The following NEDD4L variants were observed in gnomAD, a reference collection of about 807,000 sequenced individuals.
NEDD4L encodes E3 ubiquitin-protein ligase NEDD4-like.
NEDD4L carries 54 observed loss-of-function variants against 148.9 expected under a neutral mutation model. The ratio of observed to expected loss-of-function variants is 0.36; its 90% confidence interval spans 0.29 to 0.45. The LOEUF is 0.45. NEDD4L is among the 20% of genes least tolerant of loss of function. The probability of loss-of-function intolerance (pLI) is 1.00; values close to 1 mark genes in which losing one functional copy is unlikely to be tolerated. For missense variants in NEDD4L, 856 were observed against 1,233.8 expected, an observed-to-expected ratio of 0.69 and a Z score of 4.59; for synonymous variants, 433 against 440.7, an observed-to-expected ratio of 0.98 and a Z score of 0.22.
At chr18:58,387,684 C>A in intron 27 of NEDD4L, 186 bp downstream of exon 27, 1 of 655,848 alleles carries the variant, frequency 1.5e-6, no homozygotes, top group Non-Finnish European at 2.3e-6. Context: ...TCTTATGGGG[C>A]TTGTTTGCCA....
At chr18:58,085,797 G>T (rs1199909221) in intron 1 of NEDD4L, among the ~76,000 whole-genome samples, 2 of 152,148 alleles carry the variant, frequency 1.3e-5, no homozygotes, top group Non-Finnish European at 2.9e-5. Flanking sequence ...ATTAAAAGGA[G>T]AATCTTTTAT....
intron 27 of NEDD4L, chr18:58,387,716 A>C (rs1359694904): frequency 2.1e-6 from 1 of 473,022 alleles, no homozygotes; most frequent in Non-Finnish European, 3.4e-6. Context: ...AGGAACAGCA[A>C]AAATAATCAG....
intron 5 of NEDD4L, among the ~76,000 whole-genome samples, chr18:58,263,839 T>G (rs1383131897): frequency 6.6e-6 from 1 of 152,164 alleles, no homozygotes. Context: ...AACCAAACAA[T>G]CCAGCACTTC....
In NEDD4L at chr18:58,370,263, T is replaced by A. The variant is rs567511053; in HGVS notation, c.2186-134T>A. 40 of 659,868 alleles carry A rather than the reference T, an allele frequency of 6.1e-5. No individual in the cohort carries two copies. The South Asian group carries it at 7.3e-4, about 12-fold the overall frequency. The allele number at this position is 659,868 out of a possible 1,614,324, so 40.9% of individuals were successfully genotyped here. On this transcript the variant is annotated intron_variant, in intron 22 of 30. Transcript: ENST00000400345. ...TGATCTCGCCTCCTCGCTTGTGCAATACTGTAGAAGGCCCTTGGTTACTCC... is the reference window on the plus strand; with the variant it reads ...TGATCTCGCCTCCTCGCTTGTGCAAAACTGTAGAAGGCCCTTGGTTACTCC...
intron 2 of NEDD4L, among the ~76,000 whole-genome samples, chr18:58,204,197 G>A (rs1306523301): frequency 6.6e-6 from 1 of 152,074 alleles, no homozygotes; most frequent in African/African-American, 2.4e-5. Context: ...ACGTGGTGGT[G>A]TGCACCTGTA....
At chr18:58,165,512 C>T (rs1211750454) in intron 1 of NEDD4L, 1 of 281,066 alleles carries the variant, frequency 3.6e-6, no homozygotes, top group African/African-American at 2.3e-5. Context: ...GAAAAGCTAA[C>T]TTTAAATGGC....
rs972029118 is a variant in NEDD4L, at chr18:58,197,182, C to T, written c.122+31321C>T. 7.9e-5 allele frequency among the ~76,000 whole-genome samples: 12 copies of T among 152,036 alleles called. No homozygotes were observed. In the South Asian group the frequency reaches 2.3e-3, roughly 29 times the overall value. ...GCCTTCCTTTTTGGGTGGGACTTGC[C>T]ATGATAGAGCCTGGGCCGTCACCTT... is the stretch of plus-strand genomic sequence containing the variant. On this transcript the variant is annotated intron_variant, in intron 2 of 30. Transcript: ENST00000400345.
At chr18:58,371,940 A>T (rs778088413) in intron 23 of NEDD4L, 7 of 152,206 alleles carry the variant, frequency 4.6e-5, no homozygotes, top group Non-Finnish European at 1.0e-4. Flanking sequence ...TCGTGTCCCC[A>T]GCAGGAGAGA....
intron 1 of NEDD4L, among the ~76,000 whole-genome samples, chr18:58,146,916 G>A (rs960320503): frequency 3.3e-5 from 5 of 152,188 alleles, no homozygotes; most frequent in African/African-American, 4.8e-5. Flanking sequence ...TGGTGCTGAG[G>A]GGATGTGCAG....
intron 1 of NEDD4L, among the ~76,000 whole-genome samples, chr18:58,064,844 T>G (rs2082518204): frequency 6.6e-6 from 1 of 152,176 alleles, no homozygotes; most frequent in Non-Finnish European, 1.5e-5. Context: ...TGATGACTCA[T>G]CCCTCTCATC....
intron 5 of NEDD4L, among the ~76,000 whole-genome samples, chr18:58,296,551 A>G (rs1021028507): frequency 6.6e-6 from 1 of 152,216 alleles, no homozygotes; most frequent in African/African-American, 2.4e-5. Context: ...GGGGGCTGCC[A>G]GCGGGCTCCA....
intron 5 of NEDD4L, among the ~76,000 whole-genome samples, chr18:58,295,016 C>T (rs1269148569): frequency 6.6e-6 from 1 of 152,072 alleles, no homozygotes; most frequent in African/African-American, 2.4e-5. Context: ...ACAGAAATTT[C>T]CCATGTATTT....
intron 5 of NEDD4L, among the ~76,000 whole-genome samples, chr18:58,265,462 A>C (rs938665050): frequency 1.1e-4 from 16 of 152,048 alleles, no homozygotes; most frequent in African/African-American, 3.4e-4. Flanking sequence ...TCTGCCATTT[A>C]ATGGTGGTAG....
chr18:58,296,201 A>G (rs534340183), intron 5 of NEDD4L, among the ~76,000 whole-genome samples: 2 of 152,300 alleles, frequency 1.3e-5, no homozygotes, highest in East Asian at 1.9e-4. Flanking sequence ...ACCTCAGGAC[A>G]CTATTAGTTA....
In NEDD4L at chr18:58,264,922, C is replaced by T. The variant is rs1006221032; in HGVS notation, c.297+12868C>T. 6.6e-5 allele frequency among the ~76,000 whole-genome samples: 10 copies of T among 152,014 alleles called. No individual in the cohort carries two copies. The East Asian group carries it at 7.7e-4, about 12-fold the overall frequency. ...GCACGTGAAGCCCTATCCTTCTTGA[C>T]GTTGGACATATAAATACTTAGGGAG... On this transcript the variant is annotated intron_variant, in intron 5 of 30. Coordinates refer to ENST00000400345, the MANE Select transcript of NEDD4L (RefSeq NM_001144967.3).
chr18:58,377,969 T>A lies in NEDD4L; in HGVS notation c.2352+4700T>A, dbSNP rs1334496108. Among the ~76,000 whole-genome samples, 4 of 152,174 alleles carry A rather than the reference T, an allele frequency of 2.6e-5. No homozygotes were observed. The East Asian group carries it at 7.7e-4, about 29-fold the overall frequency. ...CATATTGCCCAGGCTGGTCTCGAAC[T>A]CCTGGCCTCAAGTGATCTGCCCACC... is the stretch of plus-strand genomic sequence containing the variant. On this transcript the variant is annotated intron_variant, in intron 24 of 30. Transcript: ENST00000400345.
At chr18:58,365,114 G>A (rs755372637) in intron 20 of NEDD4L, among the ~76,000 whole-genome samples, 13 of 152,168 alleles carry the variant, frequency 8.5e-5, no homozygotes, top group South Asian at 2.1e-4. Flanking sequence ...CCTCCTGCCC[G>A]GGAACATCTC....
intron 5 of NEDD4L, among the ~76,000 whole-genome samples, chr18:58,253,890 T>A (rs1440522665): frequency 6.6e-6 from 1 of 152,122 alleles, no homozygotes; most frequent in East Asian, 1.9e-4. Context: ...CTTGTATGAA[T>A]ACAAGCTATA....
intron 1 of NEDD4L, among the ~76,000 whole-genome samples, chr18:58,090,130 GC>G (rs1329828608): frequency 6.6e-6 from 1 of 152,084 alleles, no homozygotes; most frequent in Non-Finnish European, 1.5e-5. Context: ...AAGCCACCAT[GC>G]CCAGCCCAAA....
Sources: gnomAD v4.1 joint callset for allele counts (sites outside exome capture counted in the v4.1 genomes callset) on GRCh38, gnomAD v4.1.1 for gene constraint, MANE v1.5 for transcripts, NCBI Gene and HGNC (gene_info 2026-07-23, HGNC 2026-07-21) for gene names.